Variants in PHC3 observed in about 807,000 individuals in gnomAD.
PHC3 encodes the protein polyhomeotic-like protein 3.
Under a neutral mutation model 107.4 loss-of-function variants are expected in PHC3, and 13 were observed. The ratio of observed to expected loss-of-function variants is 0.12; its 90% confidence interval spans 0.08 to 0.19. PHC3 has a LOEUF of 0.19. Among genes scored for constraint, PHC3 ranks in the 10% least tolerant of loss-of-function variants. PHC3 has a pLI of 1.00. For missense variants in PHC3, 992 were observed against 1,210.9 expected (o/e 0.82, Z 2.68); for synonymous variants, 456 against 427.4 (o/e 1.07, Z -0.83).
intron 4 of PHC3, among the ~76,000 whole-genome samples, chr3:170,159,251 CAAAAAAAAAAA>C: frequency 1.4e-5 from 1 of 69,580 alleles, no homozygotes; most frequent in Middle Eastern, 7.1e-3. Flanking sequence ...GACTCGGTCT[CAAAAAAAAAAA>C]AAAAAAAAAA....
At chr3:170,111,702 C>A (rs1717816728) in intron 11 of PHC3, among the ~76,000 whole-genome samples, 2 of 152,108 alleles carry the variant, frequency 1.3e-5, no homozygotes, top group Non-Finnish European at 2.9e-5. Context: ...CTAATATACT[C>A]CTTGCTGTTC....
chr3:170,145,299 T>C, intron 6 of PHC3, 124 bp downstream of exon 6: 1 of 644,580 alleles, frequency 1.6e-6, no homozygotes, highest in Admixed American at 3.6e-5. Flanking sequence ...TTTATTAAAT[T>C]TCAATCTGAA....
At chr3:170,161,424 T>G (rs1000263939) in intron 4 of PHC3, among the ~76,000 whole-genome samples, 1 of 151,818 alleles carries the variant, frequency 6.6e-6, no homozygotes, top group Non-Finnish European at 1.5e-5. Context: ...ACAGAGAAGG[T>G]GGGGAAAATG....
chr3:170,146,366 C>A (rs6786022), intron 5 of PHC3, among the ~76,000 whole-genome samples: 17,713 of 147,690 alleles, frequency 0.12, 1,109 homozygotes, highest in Middle Eastern at 0.16. Flanking sequence ...CAGAGCAAGA[C>A]TCCATCTCAA....
rs578209858 is a variant in PHC3, at chr3:170,155,938, T to C, written c.415-6694A>G. Reference sequence around the variant, plus strand: ...TTTTAAAGTTTTTAACTTTTCTATGTAGATATTAATTTTAGAATCAGAGAG... The same window carrying C: ...TTTTAAAGTTTTTAACTTTTCTATGCAGATATTAATTTTAGAATCAGAGAG... On this transcript the variant is annotated intron_variant, in intron 4 of 14. Coordinates refer to ENST00000495893, the MANE Select transcript of PHC3 (RefSeq NM_024947.4). Among the ~76,000 whole-genome samples, 6 of 152,268 alleles carry C rather than the reference T, an allele frequency of 3.9e-5. No individual in the cohort carries two copies. In the South Asian group the frequency reaches 1.2e-3, roughly 32 times the overall value.
chr3:170,089,510 G>A lies in PHC3; in HGVS notation c.*7720C>T, dbSNP rs1342440416. 1 of 152,150 alleles carries A rather than the reference G, an allele frequency of 6.6e-6. No individual in the cohort carries two copies. Among genetic ancestry groups the A allele is most frequent in the Non-Finnish European group, 1.5e-5 (1 of 68,016 alleles). 9.4% of individuals were successfully genotyped at this position (152,150 alleles called of 1,614,324 possible). On this transcript the variant is annotated 3_prime_UTR_variant, in exon 15 of 15. Coordinates refer to ENST00000495893, the MANE Select transcript of PHC3 (RefSeq NM_024947.4). Reference sequence around the variant, plus strand: ...CTTTAAAAGTTGGATATTTGTAATAGCTTAAAGTACAGTAACACTTATTTT... The same window carrying A: ...CTTTAAAAGTTGGATATTTGTAATAACTTAAAGTACAGTAACACTTATTTT...
In PHC3 at chr3:170,091,160, A is replaced by G. The variant is rs1357491539; in HGVS notation, c.*6070T>C. The G allele has an allele frequency of 1.3e-5, 2 of 152,226 alleles. No homozygotes were observed. Among genetic ancestry groups the G allele is most frequent in the Admixed American group, 1.3e-4 (2 of 15,288 alleles). 9.4% of individuals were successfully genotyped at this position (152,226 alleles called of 1,614,324 possible). A position where few individuals can be genotyped will look rare whatever the true frequency, so the allele number is the denominator to read the frequency against. On this transcript the variant is annotated 3_prime_UTR_variant, in exon 15 of 15. Coordinates refer to ENST00000495893, the MANE Select transcript of PHC3 (RefSeq NM_024947.4). The stretch of plus-strand genomic sequence containing the variant: ...TCCATGAAATATAACTTTTAAGCCA[A>G]TAAGTGATGGTGACTATCAATCCTT...
Position 170,089,260 on chromosome 3 carries a change from T to C in PHC3, c.*7970A>G, listed in dbSNP as rs1713824569. 1 of 152,258 alleles carries C rather than the reference T, an allele frequency of 6.6e-6. No homozygotes were observed. Among genetic ancestry groups the C allele is most frequent in the African/African-American group, 2.4e-5 (1 of 41,472 alleles). The allele number at this position is 152,258 out of a possible 1,614,324, so 9.4% of individuals were successfully genotyped here. A position where few individuals can be genotyped will look rare whatever the true frequency, so the allele number is the denominator to read the frequency against. ...TATGGAGAATGTCAGTATCAACTGA[T>C]GTTAACAAGTAAAGCTTTGTCAACA... On this transcript the variant is annotated 3_prime_UTR_variant, in exon 15 of 15. Transcript: ENST00000495893.
chr3:170,102,975 G>C (rs1715765118), intron 12 of PHC3, 41 bp from the exon 13 acceptor site: 1 of 1,546,192 alleles, frequency 6.5e-7, no homozygotes, highest in East Asian at 2.4e-5. Flanking sequence ...ATGATATATG[G>C]GACAATCCAT....
intron 1 of PHC3, among the ~76,000 whole-genome samples, 174 bp from the exon 2 acceptor site, chr3:170,179,112 T>C (rs1023710117): frequency 1.3e-5 from 2 of 152,196 alleles, no homozygotes; most frequent in Non-Finnish European, 2.9e-5. Flanking sequence ...ACTTCACATA[T>C]ATGGAGCATA....
intron 1 of PHC3, 30 bp from the exon 2 acceptor site, chr3:170,178,968 G>C (rs1242553913): frequency 6.3e-7 from 1 of 1,575,736 alleles, no homozygotes; most frequent in Admixed American, 1.7e-5. Context: ...GTTTGTATTG[G>C]TAAAAGCATT....
rs1352171239 is a variant in PHC3 at position 170,094,531 on chromosome 3, T to A, written c.*2699A>T. ...GAAAGGATATGAAAACAATTTACTC[T>A]CCCCACCTATATCATACTGAAACTC... is the stretch of plus-strand genomic sequence containing the variant. On this transcript the variant is annotated 3_prime_UTR_variant, in exon 15 of 15. Coordinates refer to ENST00000495893, the MANE Select transcript of PHC3 (RefSeq NM_024947.4). 2.0e-5 allele frequency: 3 copies of A among 152,094 alleles called. No individual in the cohort carries two copies. Among genetic ancestry groups the A allele is most frequent in the African/African-American group, 7.2e-5 (3 of 41,406 alleles). 9.4% of individuals were successfully genotyped at this position (152,094 alleles called of 1,614,324 possible). A position where few individuals can be genotyped will look rare whatever the true frequency, so the allele number is the denominator to read the frequency against.
intron 3 of PHC3, 43 bp downstream of exon 3, chr3:170,172,514 A>G (rs756811807): frequency 8.2e-5 from 130 of 1,590,346 alleles, no homozygotes; most frequent in Non-Finnish European, 1.1e-4. Flanking sequence ...CTACCTACAG[A>G]TAACAGAAAC....
chr3:170,150,815 C>A, intron 4 of PHC3: 1 of 304,236 alleles, frequency 3.3e-6, no homozygotes, highest in Non-Finnish European at 6.4e-6. Context: ...TATAAAGAGA[C>A]ATTGGAGTGG....
intron 7 of PHC3, among the ~76,000 whole-genome samples, chr3:170,131,058 A>AT (rs774641395): frequency 5.9e-5 from 9 of 152,148 alleles, no homozygotes; most frequent in Non-Finnish European, 1.2e-4. Flanking sequence ...ATTATTTAAA[A>AT]TTTTTGGAAT....
At chr3:170,121,121 A>C (rs527771512) in intron 9 of PHC3, among the ~76,000 whole-genome samples, 1 of 152,234 alleles carries the variant, frequency 6.6e-6, no homozygotes, top group East Asian at 1.9e-4. Context: ...ATGAACTATT[A>C]CTCTTCTTTT....
At chr3:170,139,840 G>C (rs1417963501) in intron 6 of PHC3, among the ~76,000 whole-genome samples, 1 of 152,080 alleles carries the variant, frequency 6.6e-6, no homozygotes, top group Non-Finnish European at 1.5e-5. Flanking sequence ...CCTCCCTTTT[G>C]AAAGAAAACC....
chr3:170,123,975 G>C (rs1326442801), intron 8 of PHC3, among the ~76,000 whole-genome samples: 1 of 151,834 alleles, frequency 6.6e-6, no homozygotes, highest in Non-Finnish European at 1.5e-5. Flanking sequence ...GCCACCCCGA[G>C]TAGCTGGGAC....
rs1194367737 is a variant in PHC3, at chr3:170,094,180, C to T, written c.*3050G>A. The T allele has an allele frequency of 6.6e-6, 1 of 152,204 alleles. No homozygotes were observed. Among genetic ancestry groups the T allele is most frequent in the African/African-American group, 2.4e-5 (1 of 41,446 alleles). The allele number at this position is 152,204 out of a possible 1,614,324, so 9.4% of individuals were successfully genotyped here. On this transcript the variant is annotated 3_prime_UTR_variant, in exon 15 of 15. Transcript: ENST00000495893. ...AAAGTGACAGGAGGATTTGGGACAA[C>T]ACTCTATCTCATACTATATTGACTA...
Sources: allele counts gnomAD v4.1 joint callset (sites outside exome capture counted in the v4.1 genomes callset), GRCh38; gene constraint gnomAD v4.1.1; transcripts MANE v1.5; gene names NCBI Gene and HGNC (gene_info 2026-07-23, HGNC 2026-07-21).